Variants in SLC9C2 observed in about 807,000 individuals in gnomAD.
SLC9C2 encodes the protein sodium/hydrogen exchanger 11.
Under a neutral mutation model 140.2 loss-of-function variants are expected in SLC9C2, and 75 were observed. That is an observed-to-expected ratio of 0.53 (90% CI 0.44 to 0.65). SLC9C2 has a LOEUF of 0.65. SLC9C2 is among the 30% of genes least tolerant of loss of function. The pLI, the probability that SLC9C2 is intolerant of heterozygous loss-of-function variation, is 0.00. For missense variants in SLC9C2, 1,074 were observed against 1,331.8 expected, an observed-to-expected ratio of 0.81 and a Z score of 3.01; for synonymous variants, 375 against 420.9, an observed-to-expected ratio of 0.89 and a Z score of 1.34.
rs1251721595 is a variant in SLC9C2, at chr1:173,534,522, A to G, written c.1936T>C (p.Tyr646His). The change falls in exon 16 of 28, where the codon TAT becomes CAT. Residue 646 changes from tyrosine to histidine, a missense_variant. Physicochemically the swap from Tyr to His is moderately conservative, Grantham distance 83 (BLOSUM62 2). Coordinates refer to ENST00000367714, the MANE Select transcript of SLC9C2 (RefSeq NM_178527.4). ...NVSALISINY[Y>H]FMFLYVLEST... Reference sequence around the variant, plus strand: ...TCTAATACATATAAAAACATAAAATAGTAGTTTATTGATATCAGTGCTGAT... The same window carrying G: ...TCTAATACATATAAAAACATAAAATGGTAGTTTATTGATATCAGTGCTGAT... 1 of 1,587,700 alleles carries G rather than the reference A, an allele frequency of 6.3e-7. No homozygotes were observed. Among genetic ancestry groups the G allele is most frequent in the Non-Finnish European group, 8.5e-7 (1 of 1,170,848 alleles).
At chr1:173,520,386 T>C (rs1413601103) in intron 22 of SLC9C2, among the ~76,000 whole-genome samples, 1 of 152,152 alleles carries the variant, frequency 6.6e-6, no homozygotes, top group Admixed American at 6.5e-5. Flanking sequence ...TCGACTACCT[T>C]TTAAAAAATC....
At chr1:173,589,139 G>T (rs906334445) in intron 4 of SLC9C2, among the ~76,000 whole-genome samples, 1 of 152,184 alleles carries the variant, frequency 6.6e-6, no homozygotes, top group African/African-American at 2.4e-5. Context: ...ACATAAGATT[G>T]GAGTTATCTT....
chr1:173,502,014 C>T (rs549750632), intron 27 of SLC9C2, among the ~76,000 whole-genome samples: 4 of 152,172 alleles, frequency 2.6e-5, no homozygotes, highest in African/African-American at 9.6e-5. Flanking sequence ...TGGCTCACGC[C>T]TGTAATCCCA....
chr1:173,521,181 T>C (rs1462177035), intron 22 of SLC9C2, 120 bp downstream of exon 22: 20 of 516,110 alleles, frequency 3.9e-5, no homozygotes, highest in Non-Finnish European at 5.9e-5. Flanking sequence ...AGAGTAGAAA[T>C]GGTTTCATCA....
intron 15 of SLC9C2, among the ~76,000 whole-genome samples, chr1:173,535,199 G>C (rs1052083480): frequency 6.6e-6 from 1 of 151,988 alleles, no homozygotes; most frequent in Non-Finnish European, 1.5e-5. Context: ...AATATTACTA[G>C]AATTTGTTAT....
chr1:173,599,182 G>T (rs1196811456), intron 3 of SLC9C2, among the ~76,000 whole-genome samples: 1 of 149,194 alleles, frequency 6.7e-6, no homozygotes, highest in Non-Finnish European at 1.5e-5. Context: ...GCAGTGGCGA[G>T]ATCTCAGCTC....
Position 173,581,834 on chromosome 1 carries a change from A to G in SLC9C2, c.802+13T>C. On this transcript the variant is annotated intron_variant, in intron 7 of 27. Coordinates refer to ENST00000367714, the MANE Select transcript of SLC9C2 (RefSeq NM_178527.4). ...TTTAAGGACAGTAATTTTTGTATTT[A>G]TTTCAGCCTTACCAATATAGAAAGT... The G allele has an allele frequency of 3.3e-6, 5 of 1,508,802 alleles. No individual in the cohort carries two copies. The highest frequency in any genetic ancestry group is 1.4e-5 in the South Asian group (1 of 73,612). 93.5% of individuals were successfully genotyped at this position (1,508,802 alleles called of 1,614,324 possible).
At chr1:173,550,424 A>G (rs1219052874) in intron 11 of SLC9C2, among the ~76,000 whole-genome samples, 1 of 120,144 alleles carries the variant, frequency 8.3e-6, no homozygotes, top group Non-Finnish European at 1.6e-5. Flanking sequence ...TTTTTATTTT[A>G]TTTATTTATT....
intron 9 of SLC9C2, among the ~76,000 whole-genome samples, chr1:173,563,475 G>A (rs1422901334): frequency 6.6e-6 from 1 of 151,900 alleles, no homozygotes. Flanking sequence ...GGCCAATCTA[G>A]TTACTTTATC....
intron 22 of SLC9C2, among the ~76,000 whole-genome samples, chr1:173,518,793 T>C (rs1284443949): frequency 6.6e-6 from 1 of 152,164 alleles, no homozygotes; most frequent in African/African-American, 2.4e-5. Context: ...TTGTTTTTAA[T>C]GGCTGTAATT....
chr1:173,558,818 C>T (rs1663893192), intron 9 of SLC9C2, among the ~76,000 whole-genome samples: 1 of 152,216 alleles, frequency 6.6e-6, no homozygotes, highest in East Asian at 1.9e-4. Flanking sequence ...AGAAAACCCA[C>T]ACACACTTCG....
At chr1:173,571,632 G>T (rs1467177532) in intron 9 of SLC9C2, 2 of 151,096 alleles carry the variant, frequency 1.3e-5, no homozygotes, top group African/African-American at 2.4e-5. Context: ...CATGATTTTG[G>T]TTTTTTTTCT....
chr1:173,602,600 C>A (rs1666853552), intron 1 of SLC9C2, among the ~76,000 whole-genome samples, 151 bp downstream of exon 1: 1 of 152,200 alleles, frequency 6.6e-6, no homozygotes, highest in African/African-American at 2.4e-5. Flanking sequence ...AGTATCTCAC[C>A]TCAGCTGGTG....
intron 23 of SLC9C2, among the ~76,000 whole-genome samples, chr1:173,516,706 A>T (rs1660446621): frequency 6.6e-6 from 1 of 151,780 alleles, no homozygotes; most frequent in African/African-American, 2.4e-5. Context: ...TTCTTTATCC[A>T]CTCTATCATT....
chr1:173,531,241 A>G (rs1433272331), intron 17 of SLC9C2, among the ~76,000 whole-genome samples: 2 of 152,184 alleles, frequency 1.3e-5, no homozygotes, highest in Non-Finnish European at 2.9e-5. Flanking sequence ...ATGGTAATAT[A>G]CTTCACTGAG....
At chr1:173,513,927 G>A (rs1259195757) in intron 23 of SLC9C2, among the ~76,000 whole-genome samples, 1 of 152,174 alleles carries the variant, frequency 6.6e-6, no homozygotes. Context: ...AGTTATTCAG[G>A]AGCAGATTGT....
At chr1:173,523,514 A>G (rs4916368) in intron 21 of SLC9C2, among the ~76,000 whole-genome samples, 30,457 of 152,212 alleles carry the variant, frequency 0.2, 4,241 homozygotes, top group East Asian at 0.64. Context: ...GAAAGAATTC[A>G]AAGTCCTGTG....
intron 23 of SLC9C2, 134 bp from the exon 24 acceptor site, chr1:173,509,833 T>C: frequency 5.8e-6 from 5 of 861,628 alleles, no homozygotes; most frequent in Non-Finnish European, 7.0e-6. Context: ...ACTCTTGTCA[T>C]TTAGAAGCAT....
chr1:173,506,808 T>C, intron 25 of SLC9C2, 48 bp downstream of exon 25: 2 of 1,498,356 alleles, frequency 1.3e-6, no homozygotes. Context: ...AAGTCACTTT[T>C]GGAGCACCGT....
Sources: gnomAD v4.1 joint callset for allele counts (sites outside exome capture counted in the v4.1 genomes callset) on GRCh38, gnomAD v4.1.1 for gene constraint, MANE v1.5 for transcripts, NCBI Gene and HGNC (gene_info 2026-07-23, HGNC 2026-07-21) for gene names.